AKAP19: variants seen among roughly 807,000 people sequenced by gnomAD.
AKAP19 encodes the protein small A-kinase anchoring protein.
the AKAP19 span, chr2:190,057,543 G>C: frequency 1.2e-6 from 2 of 1,613,556 alleles, no homozygotes; most frequent in Non-Finnish European, 8.5e-7. Context: ...GGTAACGACA[G>C]CATCGTGATT....
chr2:190,092,646 C>T, the AKAP19 span, among the ~76,000 whole-genome samples: 1 of 152,106 alleles, frequency 6.6e-6, no homozygotes, highest in Non-Finnish European at 1.5e-5. Context: ...CATTAATACA[C>T]ATATTTTTAA....
At chr2:190,092,967 A>T in the AKAP19 span, among the ~76,000 whole-genome samples, 1 of 152,246 alleles carries the variant, frequency 6.6e-6, no homozygotes, top group Admixed American at 6.5e-5. Context: ...TACCAGAAAT[A>T]CCCTGTTGTA....
the AKAP19 span, among the ~76,000 whole-genome samples, chr2:189,957,931 C>A: frequency 9.9e-5 from 15 of 152,048 alleles, no homozygotes; most frequent in African/African-American, 2.7e-4. Flanking sequence ...GTAGCAGGGA[C>A]TACAGACGTG....
the AKAP19 span, among the ~76,000 whole-genome samples, chr2:189,960,264 A>G: frequency 5.1e-4 from 77 of 152,332 alleles, no homozygotes; most frequent in Middle Eastern, 3.4e-3. Flanking sequence ...GAATATACAT[A>G]CAAAAGACAA....
At chr2:189,892,020 G>A in the AKAP19 span, among the ~76,000 whole-genome samples, 4 of 151,308 alleles carry the variant, frequency 2.6e-5, no homozygotes, top group South Asian at 8.3e-4. Flanking sequence ...CTGCTTGATC[G>A]ATTCAGCTAT....
the AKAP19 span, among the ~76,000 whole-genome samples, chr2:190,074,103 G>A: frequency 6.6e-6 from 1 of 151,430 alleles, no homozygotes; most frequent in Admixed American, 6.6e-5. Context: ...TTAGTCTGGT[G>A]TGGAGCACAG....
At chr2:190,122,709 T>A in the AKAP19 span, among the ~76,000 whole-genome samples, 1 of 152,182 alleles carries the variant, frequency 6.6e-6, no homozygotes, top group Non-Finnish European at 1.5e-5. Context: ...AGAAACTATA[T>A]TTATTACAGT....
the AKAP19 span, among the ~76,000 whole-genome samples, chr2:189,892,610 G>A: frequency 2.0e-5 from 3 of 152,168 alleles, no homozygotes; most frequent in Non-Finnish European, 4.4e-5. Context: ...TGGAAGCTTC[G>A]TCCCAGATGG....
chr2:190,201,050 T>C, the AKAP19 span: 20 of 151,228 alleles, frequency 1.3e-4, no homozygotes, highest in East Asian at 2.6e-4. Context: ...ACCATTAAAA[T>C]AGACCAGATA....
At chr2:190,140,278 C>T in the AKAP19 span, among the ~76,000 whole-genome samples, 6 of 152,156 alleles carry the variant, frequency 3.9e-5, no homozygotes. Flanking sequence ...ACGGTGCAAG[C>T]TCTCTGTGGA....
the AKAP19 span, among the ~76,000 whole-genome samples, chr2:189,935,584 T>C: frequency 1.3e-5 from 2 of 152,026 alleles, no homozygotes; most frequent in Non-Finnish European, 2.9e-5. Flanking sequence ...GTATAGGAGA[T>C]GATTACAAAC....
the AKAP19 span, among the ~76,000 whole-genome samples, chr2:189,981,868 C>T: frequency 6.6e-6 from 1 of 152,132 alleles, no homozygotes; most frequent in Admixed American, 6.5e-5. Flanking sequence ...GCTGAGAAGT[C>T]TACTGTTAGT....
At chr2:190,192,868 C>A in the AKAP19 span, among the ~76,000 whole-genome samples, 3 of 152,164 alleles carry the variant, frequency 2.0e-5, no homozygotes, top group Non-Finnish European at 4.4e-5. Context: ...TATGTTAAGA[C>A]CTTGCTACAA....
the AKAP19 span, among the ~76,000 whole-genome samples, chr2:190,034,332 C>T: frequency 6.6e-6 from 1 of 151,348 alleles, no homozygotes; most frequent in Admixed American, 6.6e-5. Flanking sequence ...TTTTAAAATC[C>T]TGACCATAAT....
chr2:189,906,905 G>T, the AKAP19 span, among the ~76,000 whole-genome samples: 8 of 152,102 alleles, frequency 5.3e-5, no homozygotes, highest in African/African-American at 1.7e-4. Flanking sequence ...AAGATAGCAG[G>T]GTACTAAGCT....
chr2:189,894,931 AT>A, the AKAP19 span, among the ~76,000 whole-genome samples: 1 of 151,758 alleles, frequency 6.6e-6, no homozygotes, highest in African/African-American at 2.4e-5. Context: ...AATTTAGAAA[AT>A]TTAGAATCAA....
At chr2:190,062,412 C>T in the AKAP19 span, 2 of 1,613,498 alleles carry the variant, frequency 1.2e-6, no homozygotes, top group Non-Finnish European at 1.7e-6. Flanking sequence ...ACGAAGTTTA[C>T]TGAGGATTTG....
chr2:190,002,511 G>C, the AKAP19 span, among the ~76,000 whole-genome samples: 1 of 151,920 alleles, frequency 6.6e-6, no homozygotes, highest in Non-Finnish European at 1.5e-5. Context: ...CCTGCACATA[G>C]TGCACATGTA....
the AKAP19 span, among the ~76,000 whole-genome samples, chr2:190,197,755 A>G: frequency 1.3e-5 from 2 of 152,230 alleles, no homozygotes; most frequent in Non-Finnish European, 1.5e-5. This position sits in a 1 kb window ranked among gnomAD's most constrained non-coding sequence, Gnocchi z 4.0. Context: ...GTCTGGTTTT[A>G]AAACTGGTTT....
Sources: allele counts gnomAD v4.1 joint callset (sites outside exome capture counted in the v4.1 genomes callset), GRCh38; gene constraint gnomAD v4.1.1; non-coding constraint Gnocchi (gnomAD v3.1); transcripts MANE v1.5; gene names NCBI Gene and HGNC (gene_info 2026-07-23, HGNC 2026-07-21).